Variants in SCAPER observed in about 807,000 individuals in gnomAD.
SCAPER encodes the protein S-phase cyclin A associated protein in the ER, also known as S phase cyclin A-associated protein in the endoplasmic reticulum.
Under a neutral mutation model 182.2 loss-of-function variants are expected in SCAPER, and 98 were observed. That is an observed-to-expected ratio of 0.54 (90% confidence interval 0.46 to 0.64). SCAPER has a LOEUF of 0.64. SCAPER is among the 30% of genes least tolerant of loss of function. The pLI is 0.00. For synonymous variants in SCAPER, 605 were observed against 564.6 expected (o/e 1.07, Z -1.01); for missense variants, 1,432 against 1,690.0 (o/e 0.85, Z 2.68).
chr15:76,884,952 C>T (rs564925833), intron 1 of SCAPER, among the ~76,000 whole-genome samples: 1 of 152,158 alleles, frequency 6.6e-6, no homozygotes, highest in African/African-American at 2.4e-5. Context: ...ATTCCACATA[C>T]GTGAAATGTC....
chr15:76,502,586 G>A (rs548088175), intron 24 of SCAPER, among the ~76,000 whole-genome samples: 3 of 152,098 alleles, frequency 2.0e-5, no homozygotes, highest in East Asian at 3.9e-4. Flanking sequence ...GTGGGAGGAG[G>A]GGGGAGGGAT....
At chr15:76,730,560 AT>A (rs2060860353) in intron 16 of SCAPER, among the ~76,000 whole-genome samples, 1 of 152,072 alleles carries the variant, frequency 6.6e-6, no homozygotes, top group African/African-American at 2.4e-5. Flanking sequence ...GGCACAGAAA[AT>A]TTTCTCCATT....
intron 29 of SCAPER, among the ~76,000 whole-genome samples, chr15:76,360,537 G>A (rs2041330128): frequency 6.6e-6 from 1 of 152,196 alleles, no homozygotes; most frequent in African/African-American, 2.4e-5. Flanking sequence ...GGGCAGAAGG[G>A]CTGTCTGTCA....
At chr15:76,763,124 T>C (rs1051498286) in intron 14 of SCAPER, among the ~76,000 whole-genome samples, 1 of 152,218 alleles carries the variant, frequency 6.6e-6, no homozygotes, top group Admixed American at 6.5e-5. Context: ...AGAACTCCAT[T>C]AGCATTTCTT....
intron 15 of SCAPER, among the ~76,000 whole-genome samples, chr15:76,749,571 G>C (rs2061978532): frequency 6.6e-6 from 1 of 151,974 alleles, no homozygotes; most frequent in Non-Finnish European, 1.5e-5. Context: ...GAGTTTACTA[G>C]CAAGGTTGTA....
chr15:76,890,959 G>C (rs1266798865), intron 1 of SCAPER, among the ~76,000 whole-genome samples: 1 of 152,166 alleles, frequency 6.6e-6, no homozygotes. Context: ...ACATCAAAAA[G>C]CTTATCTACT....
intron 25 of SCAPER, among the ~76,000 whole-genome samples, chr15:76,459,071 A>AT (rs1452039295): frequency 6.6e-6 from 1 of 151,772 alleles, no homozygotes; most frequent in Non-Finnish European, 1.5e-5. Context: ...ATTCTTTTTT[A>AT]TTTTTTGTAG....
At chr15:76,674,528 C>G (rs2057248039) in intron 20 of SCAPER, among the ~76,000 whole-genome samples, 1 of 152,122 alleles carries the variant, frequency 6.6e-6, no homozygotes, top group Admixed American at 6.5e-5. Flanking sequence ...AAAATGAATG[C>G]ATACTCGGTG....
At chr15:76,503,675 T>C (rs532325825) in intron 24 of SCAPER, among the ~76,000 whole-genome samples, 4 of 152,320 alleles carry the variant, frequency 2.6e-5, no homozygotes, top group Admixed American at 2.6e-4. Context: ...CATTTATTTT[T>C]CCAAATAAGG....
At chr15:76,721,905 G>A (rs2060267549) in intron 17 of SCAPER, among the ~76,000 whole-genome samples, 1 of 152,070 alleles carries the variant, frequency 6.6e-6, no homozygotes, top group Non-Finnish European at 1.5e-5. Context: ...TTTCCTAATT[G>A]AATGCCCTTT....
chr15:76,706,187 G>C (rs190873140), intron 17 of SCAPER, among the ~76,000 whole-genome samples: 265 of 152,178 alleles, frequency 1.7e-3, no homozygotes, highest in Non-Finnish European at 3.0e-3. Context: ...GTTATGAAAT[G>C]GGTTTCTGGA....
chr15:76,644,664 C>T (rs2054392925), intron 21 of SCAPER, among the ~76,000 whole-genome samples: 1 of 152,010 alleles, frequency 6.6e-6, no homozygotes, highest in South Asian at 2.1e-4. Context: ...AACAATTCCC[C>T]ACAATACCCA....
At chr15:76,809,653 G>A (rs1388771083) in intron 5 of SCAPER, among the ~76,000 whole-genome samples, 1 of 152,090 alleles carries the variant, frequency 6.6e-6, no homozygotes, top group African/African-American at 2.4e-5. Flanking sequence ...ATTGGAGTTA[G>A]AAAAGAAGAA....
intron 16 of SCAPER, among the ~76,000 whole-genome samples, chr15:76,729,529 G>A (rs775169936): frequency 7.2e-5 from 11 of 152,050 alleles, no homozygotes; most frequent in Non-Finnish European, 1.5e-4. Context: ...AAGACAGTTT[G>A]TGAGAAGGAG....
chr15:76,511,843 A>ATG lies in SCAPER; in HGVS notation c.2839-6871_2839-6870dup, dbSNP rs1555461783. On this transcript the variant is annotated intron_variant, in intron 23 of 31. Coordinates refer to ENST00000563290, the MANE Select transcript of SCAPER (RefSeq NM_020843.4). The stretch of plus-strand genomic sequence containing the variant: ...AGATACACTTATTATATATATATAT[A>ATG]TGTGTGTGTGTGTGTGTGTGTGTGT... Among the ~76,000 whole-genome samples the ATG allele has an allele frequency of 4.0e-3, 491 of 123,292 alleles. 3 individuals carry two copies. Among genetic ancestry groups the ATG allele is most frequent in the African/African-American group, 0.015 (449 of 29,806 alleles). The allele number at this position is 123,292 out of a possible 152,430, so 80.9% of individuals were successfully genotyped here. A position where few individuals can be genotyped will look rare whatever the true frequency, so the allele number is the denominator to read the frequency against.
chr15:76,350,715 G>A (rs2040488545), intron 31 of SCAPER: 1 of 152,190 alleles, frequency 6.6e-6, no homozygotes, highest in African/African-American at 2.4e-5. Context: ...AAAACAACTT[G>A]TAAATCTTTT....
At chr15:76,663,684 C>A (rs1415013174) in intron 21 of SCAPER, among the ~76,000 whole-genome samples, 1 of 151,706 alleles carries the variant, frequency 6.6e-6, no homozygotes, top group Admixed American at 6.6e-5. Context: ...AGCATACCAG[C>A]GGTTGCCTCA....
intron 8 of SCAPER, among the ~76,000 whole-genome samples, chr15:76,785,155 A>T (rs2064485662): frequency 6.6e-6 from 1 of 152,238 alleles, no homozygotes; most frequent in African/African-American, 2.4e-5. Context: ...AATATCTAGA[A>T]TCTACAAAGA....
At chr15:76,720,563 T>C (rs867784862) in intron 17 of SCAPER, among the ~76,000 whole-genome samples, 41 of 152,314 alleles carry the variant, frequency 2.7e-4, no homozygotes, top group Admixed American at 7.2e-4. Flanking sequence ...AAAGTGTTCC[T>C]ATTTCTCCAC....
Sources: allele counts gnomAD v4.1 joint callset (sites outside exome capture counted in the v4.1 genomes callset), GRCh38; gene constraint gnomAD v4.1.1; transcripts MANE v1.5; gene names NCBI Gene and HGNC (gene_info 2026-07-23, HGNC 2026-07-21).